The following ARHGEF9 variants were observed in gnomAD, a reference collection of about 807,000 sequenced individuals.
ARHGEF9 encodes rho guanine nucleotide exchange factor 9.
ARHGEF9 carries 2 observed loss-of-function variants against 41.3 expected under a neutral mutation model. The ratio of observed to expected loss-of-function variants is 0.05; its 90% CI spans 0.02 to 0.15. The LOEUF is 0.15. Among genes scored for constraint, ARHGEF9 ranks in the 10% least tolerant of loss-of-function variants. The pLI is 1.00. For missense variants in ARHGEF9, 225 were observed against 424.7 expected (o/e 0.53, Z 4.13); for synonymous variants, 160 against 154.4 (o/e 1.04, Z -0.27).
At chrX:63,784,662 A>AG (rs782034657) in intron 1 of ARHGEF9, among the ~76,000 whole-genome samples, 5 of 111,317 alleles carry the variant, frequency 4.5e-5, no homozygotes, top group African/African-American at 9.8e-5. Flanking sequence ...AGTTGGGGGC[A>AG]GGGGGGAGTC....
intron 9 of ARHGEF9, among the ~76,000 whole-genome samples, chrX:63,638,960 C>A (rs1482105269): frequency 8.9e-6 from 1 of 112,067 alleles, no homozygotes; most frequent in Non-Finnish European, 1.9e-5. Flanking sequence ...AGGTTTGCAA[C>A]CATCAAAGCA....
chrX:63,723,075 G>A (rs1275141517), intron 2 of ARHGEF9, among the ~76,000 whole-genome samples: 1 of 111,383 alleles, frequency 9.0e-6, no homozygotes, highest in African/African-American at 3.3e-5. Context: ...TCAACCTCAA[G>A]GGAAGCCTTG....
intron 4 of ARHGEF9, among the ~76,000 whole-genome samples, chrX:63,688,587 G>T (rs1186078277): frequency 1.8e-5 from 2 of 111,916 alleles, no homozygotes; most frequent in Non-Finnish European, 3.8e-5. Flanking sequence ...TGGCCAACAT[G>T]GTGAAACTCC....
intron 9 of ARHGEF9, among the ~76,000 whole-genome samples, chrX:63,643,194 G>T (rs1483331270): frequency 1.8e-5 from 2 of 111,534 alleles, no homozygotes; most frequent in African/African-American, 6.5e-5. Context: ...GATTTAAATT[G>T]ATTTGCAAGG....
rs1396224127 is a variant in ARHGEF9 at position 63,637,868 on chromosome X, GTGTGTGTGTGTGTC to G, written c.*146_*159del. ...TCTCTGTGTGTGTGTGTGTGTGTGT[GTGTGTGTGTGTGTC>G]TGTGTGTGTGTGTGTGTATGTGTAC... On this transcript the variant is annotated 3_prime_UTR_variant, in exon 10 of 10. Transcript: ENST00000671741. The G allele has an allele frequency of 1.7e-4, 72 of 415,344 alleles. 2 individuals carry two copies. The highest frequency in any genetic ancestry group is 1.3e-3 in the Admixed American group (30 of 23,254). 34.2% of individuals were successfully genotyped at this position (415,344 alleles called of 1,213,427 possible).
chrX:63,637,929 T>G lies in ARHGEF9; in HGVS notation c.*99A>C. ...GTACTCAAGGGTCTCTGTGTGTGTG[T>G]GTGTGTATAAATTTCAACAGTGCTT... On this transcript the variant is annotated 3_prime_UTR_variant, in exon 10 of 10. Coordinates refer to ENST00000671741, the MANE Select transcript of ARHGEF9 (RefSeq NM_001353921.2). 1.5e-6 allele frequency: 1 copy of G among 670,190 alleles called. No individual in the cohort carries two copies. The highest frequency in any genetic ancestry group is 2.2e-6 in the Non-Finnish European group (1 of 449,610). The allele number at this position is 670,190 out of a possible 1,213,427, so 55.2% of individuals were successfully genotyped here. A position where few individuals can be genotyped will look rare whatever the true frequency, so the allele number is the denominator to read the frequency against.
At chrX:63,665,811 T>C in intron 7 of ARHGEF9, 75 bp downstream of exon 7, 2 of 1,155,522 alleles carry the variant, frequency 1.7e-6, no homozygotes, top group South Asian at 3.8e-5. Context: ...GTTGGGAGCC[T>C]GGGGATGATG....
chrX:63,642,921 G>C (rs2047732375), intron 9 of ARHGEF9: 1 of 112,131 alleles, frequency 8.9e-6, no homozygotes, highest in African/African-American at 3.2e-5. Context: ...CTGAGATGGA[G>C]AGGAGAAAGC....
chrX:63,664,079 C>G (rs1453201906), intron 7 of ARHGEF9, among the ~76,000 whole-genome samples: 1 of 111,935 alleles, frequency 8.9e-6, no homozygotes, highest in African/African-American at 3.2e-5. Context: ...TTTCACCATC[C>G]CTGTTATATG....
At chrX:63,638,449 A>G (rs1237641982) in intron 9 of ARHGEF9, 5 of 425,421 alleles carry the variant, frequency 1.2e-5, no homozygotes, top group Non-Finnish European at 1.6e-5. Flanking sequence ...AATTTGGGGT[A>G]TTGCTATAAT....
At chrX:63,647,801 G>T (rs2048219659) in intron 8 of ARHGEF9, among the ~76,000 whole-genome samples, 1 of 111,373 alleles carries the variant, frequency 9.0e-6, no homozygotes, top group Admixed American at 9.6e-5. Flanking sequence ...GTTTCAGAAG[G>T]AATGGTACCA....
chrX:63,774,774 C>T (rs1373796712), intron 1 of ARHGEF9, among the ~76,000 whole-genome samples: 1 of 111,720 alleles, frequency 9.0e-6, no homozygotes, highest in Non-Finnish European at 1.9e-5. Context: ...GAAAAGATTT[C>T]ATGACAAAGA....
intron 1 of ARHGEF9, among the ~76,000 whole-genome samples, chrX:63,752,785 C>G (rs1307822182): frequency 8.9e-6 from 1 of 111,977 alleles, no homozygotes; most frequent in African/African-American, 3.3e-5. Context: ...CCTTCACAGC[C>G]CCTCTCCTTT....
intron 6 of ARHGEF9, among the ~76,000 whole-genome samples, chrX:63,669,709 T>C (rs2049821450): frequency 9.0e-6 from 1 of 111,647 alleles, no homozygotes; most frequent in Non-Finnish European, 1.9e-5. Flanking sequence ...TGCTCCTTCC[T>C]CTCCTTCAGG....
intron 8 of ARHGEF9, among the ~76,000 whole-genome samples, chrX:63,645,528 T>G (rs1437444402): frequency 9.0e-6 from 1 of 111,611 alleles, no homozygotes; most frequent in Non-Finnish European, 1.9e-5. Flanking sequence ...GGTTTCCAGC[T>G]TCATCCATGT....
chrX:63,755,099 G>C, intron 1 of ARHGEF9: 1 of 938,749 alleles, frequency 1.1e-6, no homozygotes, highest in Non-Finnish European at 1.3e-6. Context: ...TGCCTTGCTG[G>C]CCCTATCCCT....
chrX:63,649,255 A>C (rs200214145), intron 8 of ARHGEF9, among the ~76,000 whole-genome samples: 17 of 111,321 alleles, frequency 1.5e-4, no homozygotes, highest in South Asian at 3.8e-4. Flanking sequence ...GACCACAGTG[A>C]AATCAAACTA....
At chrX:63,651,905 G>GA (rs1228192090) in intron 8 of ARHGEF9, among the ~76,000 whole-genome samples, 38 of 103,889 alleles carry the variant, frequency 3.7e-4, no homozygotes, top group East Asian at 1.2e-3. Flanking sequence ...TTAAGCATAT[G>GA]AAAAAAAAAA....
At chrX:63,694,480 T>C (rs1278871031) in intron 4 of ARHGEF9, among the ~76,000 whole-genome samples, 7 of 112,295 alleles carry the variant, frequency 6.2e-5, no homozygotes, top group African/African-American at 2.3e-4. Context: ...AATTTGTGAA[T>C]AGGTGGTATA....
Sources: gnomAD v4.1 joint callset for allele counts (sites outside exome capture counted in the v4.1 genomes callset) on GRCh38, gnomAD v4.1.1 for gene constraint, MANE v1.5 for transcripts, NCBI Gene and HGNC (gene_info 2026-07-23, HGNC 2026-07-21) for gene names.